NREP: variants seen among roughly 807,000 people sequenced by gnomAD.
The protein encoded by NREP is neuronal regeneration related protein, also known as neuronal regeneration-related protein.
A neutral mutation model predicts 8.6 loss-of-function variants in NREP; 5 were observed. The observed-to-expected ratio is 0.58, with a 90% CI of 0.30 to 1.22. The LOEUF is 1.22. Ranked by LOEUF, NREP falls within the 50% of genes most tolerant of loss-of-function variation. NREP has a pLI of 0.07. For synonymous variants in NREP, 27 were observed against 28.0 expected, an observed-to-expected ratio of 0.96 and a Z score of 0.11; for missense variants, 86 against 82.5, an observed-to-expected ratio of 1.04 and a Z score of -0.17.
chr5:111,808,095 T>C (rs931274415), intron 2 of NREP, among the ~76,000 whole-genome samples: 25 of 152,260 alleles, frequency 1.6e-4, no homozygotes, highest in African/African-American at 5.8e-4. Context: ...GTTTTCATTC[T>C]ATCTGGTGCA....
chr5:111,924,887 C>T lies in NREP; in HGVS notation c.135+50387G>A, dbSNP rs73787731. The stretch of plus-strand genomic sequence containing the variant: ...GGAAGTCAAAGAGTCTGTCCTGGGG[C>T]CATAAGGATGCTGGCTCCCATGTGA... On this transcript the variant is annotated intron_variant, in intron 2 of 3. Transcript: ENST00000395634. 6.5e-3 allele frequency among the ~76,000 whole-genome samples: 994 copies of T among 152,200 alleles called. 10 individuals carry two copies. The highest frequency in any genetic ancestry group is 0.027 in the South Asian group (132 of 4,814).
At chr5:111,830,264 C>G (rs1752734235) in intron 2 of NREP, among the ~76,000 whole-genome samples, 2 of 152,274 alleles carry the variant, frequency 1.3e-5, no homozygotes, top group South Asian at 4.1e-4. Flanking sequence ...ACACTCCTGT[C>G]TTAGGTTAAA....
At chr5:111,862,920 G>A (rs1753583194) in intron 2 of NREP, among the ~76,000 whole-genome samples, 1 of 150,340 alleles carries the variant, frequency 6.7e-6, no homozygotes, top group Admixed American at 6.7e-5. Flanking sequence ...GAGGTTTGCT[G>A]AGGTGAGCAG....
intron 2 of NREP, among the ~76,000 whole-genome samples, chr5:111,838,819 TAAAAAC>T (rs983307848): frequency 5.3e-5 from 8 of 152,040 alleles, no homozygotes; most frequent in African/African-American, 1.7e-4. Flanking sequence ...ATATAATCTA[TAAAAAC>T]ACATATATAG....
At chr5:111,975,296 C>T (rs2112679092) in exon 2 of NREP, 3 of 1,551,354 alleles carry the variant, frequency 1.9e-6, no homozygotes, top group Non-Finnish European at 2.6e-6. Context: ...AGAAATCTGG[C>T]AGTGAACCTG....
chr5:111,913,886 T>G (rs1027969865), intron 2 of NREP, among the ~76,000 whole-genome samples: 5 of 152,214 alleles, frequency 3.3e-5, no homozygotes, highest in African/African-American at 1.2e-4. Flanking sequence ...TAATGATGGA[T>G]GAGGGTATTC....
intron 2 of NREP, among the ~76,000 whole-genome samples, chr5:111,857,010 G>A (rs1393762370): frequency 6.6e-6 from 1 of 152,030 alleles, no homozygotes; most frequent in Non-Finnish European, 1.5e-5. Flanking sequence ...TAGCCTTTTT[G>A]TAATTTTACC....
chr5:111,778,922 A>C (rs1355424634), intron 2 of NREP, among the ~76,000 whole-genome samples: 1 of 152,158 alleles, frequency 6.6e-6, no homozygotes. Context: ...TTCATTCAGT[A>C]CTAAAGTATG....
At chr5:111,913,302 A>T (rs1364460249) in intron 2 of NREP, among the ~76,000 whole-genome samples, 5 of 152,128 alleles carry the variant, frequency 3.3e-5, no homozygotes, top group Admixed American at 3.3e-4. Flanking sequence ...GCGGTCTTAT[A>T]AAATATCCTT....
chr5:111,930,380 T>C (rs554449309), intron 2 of NREP, among the ~76,000 whole-genome samples: 3 of 152,302 alleles, frequency 2.0e-5, no homozygotes, highest in Non-Finnish European at 4.4e-5. Flanking sequence ...TCTTTGAAAG[T>C]GGCGAATTTA....
Position 111,887,561 on chromosome 5 carries a change from A to C in NREP, c.135+87713T>G, listed in dbSNP as rs976769597. On this transcript the variant is annotated intron_variant, in intron 2 of 3. Coordinates refer to the NREP transcript ENST00000395634. ...ATGGGACAGATGCCTTGCACAATGC[A>C]GAGTAGCAGCCTATAATTTGGACAC... 4.6e-5 allele frequency among the ~76,000 whole-genome samples: 7 copies of C among 152,324 alleles called. No homozygotes were observed. In the East Asian group the frequency reaches 1.2e-3, roughly 25 times the overall value.
chr5:111,875,578 C>T (rs1424616869), intron 2 of NREP, among the ~76,000 whole-genome samples: 1 of 152,190 alleles, frequency 6.6e-6, no homozygotes, highest in African/African-American at 2.4e-5. Flanking sequence ...TCTATGTATA[C>T]TCCCAGTATA....
At chr5:111,885,383 G>T (rs1477989434) in intron 2 of NREP, among the ~76,000 whole-genome samples, 1 of 151,720 alleles carries the variant, frequency 6.6e-6, no homozygotes, top group Admixed American at 6.6e-5. Flanking sequence ...TCAATATCGT[G>T]AAAATGGCCA....
rs183873837 is a variant in NREP, at chr5:111,968,110, A to G, written c.135+7164T>C. ...TCAAGCAAAAACATTTCAATTAATT[A>G]TACTTTCTTATTTTCTAAAAGGTCT... is the stretch of plus-strand genomic sequence containing the variant. On this transcript the variant is annotated intron_variant, in intron 2 of 3. Coordinates refer to the NREP transcript ENST00000395634. 2.4e-3 allele frequency among the ~76,000 whole-genome samples: 373 copies of G among 152,256 alleles called. 2 individuals carry two copies. The highest frequency in any genetic ancestry group is 8.7e-3 in the African/African-American group (360 of 41,564).
chr5:111,789,464 G>A lies in NREP; in HGVS notation c.136-53957C>T, dbSNP rs1006048237. On this transcript the variant is annotated intron_variant, in intron 2 of 3. Coordinates refer to the NREP transcript ENST00000395634. ...CTTCAGAATAAAAATTATTAGTGCC[G>A]CATGTACATTTTATGATAGACTTAT... 6.6e-5 allele frequency among the ~76,000 whole-genome samples: 10 copies of A among 152,086 alleles called. No homozygotes were observed. The East Asian group carries it at 1.7e-3, about 26-fold the overall frequency.
At chr5:111,788,514 C>A (rs1310926371) in intron 2 of NREP, among the ~76,000 whole-genome samples, 1 of 152,190 alleles carries the variant, frequency 6.6e-6, no homozygotes. Flanking sequence ...CAAGCCAGAG[C>A]ATGAAGTCAG....
intron 3 of NREP, 62 bp downstream of exon 3, chr5:111,735,368 T>C: frequency 8.4e-7 from 1 of 1,195,636 alleles, no homozygotes; most frequent in Non-Finnish European, 1.2e-6. Flanking sequence ...AGCTCTGATA[T>C]TTTAAAACAA....
intron 2 of NREP, among the ~76,000 whole-genome samples, chr5:111,918,299 T>C (rs1051128347): frequency 1.3e-5 from 2 of 152,160 alleles, no homozygotes; most frequent in African/African-American, 4.8e-5. Flanking sequence ...ATTTATAGAT[T>C]CAATGCTATC....
intron 2 of NREP, among the ~76,000 whole-genome samples, chr5:111,784,704 C>T (rs1429796011): frequency 6.6e-6 from 1 of 152,120 alleles, no homozygotes; most frequent in African/African-American, 2.4e-5. Context: ...CAAGAATGAA[C>T]AGAATGTAAG....
Sources: gnomAD v4.1 joint callset for allele counts (sites outside exome capture counted in the v4.1 genomes callset) on GRCh38, gnomAD v4.1.1 for gene constraint, MANE v1.5 for transcripts, NCBI Gene and HGNC (gene_info 2026-07-23, HGNC 2026-07-21) for gene names.